The following UAP1 variants were observed in gnomAD, a reference collection of about 807,000 sequenced individuals.
UAP1 encodes the protein UDP-N-acetylglucosamine pyrophosphorylase 1.
UAP1 carries 25 observed loss-of-function variants against 58.5 expected under a neutral mutation model. The observed-to-expected ratio is 0.43, with a 90% confidence interval of 0.31 to 0.60. UAP1 has a LOEUF of 0.60. Ranked by LOEUF, UAP1 falls within the 20% of genes least tolerant of loss-of-function variation. UAP1 has a pLI of 0.11. For synonymous variants in UAP1, 208 were observed against 213.0 expected (o/e 0.98, Z 0.21); for missense variants, 575 against 630.0 (o/e 0.91, Z 0.93).
At chr1:162,588,065 A>G (rs80030295) in intron 6 of UAP1, 1,616 of 158,164 alleles carry the variant, frequency 0.01, 24 homozygotes, top group African/African-American at 0.037. Flanking sequence ...GGGCATCTAT[A>G]TTTTTAGAAA....
At chr1:162,566,214 T>C (rs1338769794) in exon 2 of UAP1, 13 of 1,614,004 alleles carry the variant, frequency 8.1e-6, no homozygotes, top group Non-Finnish European at 1.1e-5. Context: ...AACTTCTTTT[T>C]CCAAAAGGCC....
At position 162,590,365 on chromosome 1, in the gene UAP1, C is replaced by G. The variant is rs374908258; in HGVS notation, c.1212C>G (p.Ser404=). 8 of 1,612,080 alleles carry G rather than the reference C, an allele frequency of 5.0e-6. No homozygotes were observed. The African/African-American group carries it at 1.1e-4, about 22-fold the overall frequency. The change falls in exon 8 of 11, where the codon TCC becomes TCG. Residue 404 remains serine, a synonymous_variant. Transcript: ENST00000271469. ...AAGTATTGCGAGAAGATGAGTTTTC[C>G]CCACTAAAGAATGCTGATAGTCAGA...
chr1:162,576,974 A>G (rs1429407785), exon 3 of UAP1: 2 of 1,613,882 alleles, frequency 1.2e-6, no homozygotes, highest in African/African-American at 1.3e-5. Context: ...CAAATGCATT[A>G]TTCCATGGTA....
At chr1:162,580,808 T>A (rs926758595) in intron 4 of UAP1, among the ~76,000 whole-genome samples, 3 of 152,210 alleles carry the variant, frequency 2.0e-5, no homozygotes, top group Non-Finnish European at 4.4e-5. Context: ...CTCGTTTAAA[T>A]CACCTTAGGC....
intron 9 of UAP1, 44 bp downstream of exon 9, chr1:162,592,826 G>A (rs761357363): frequency 2.0e-6 from 3 of 1,493,892 alleles, no homozygotes; most frequent in African/African-American, 1.4e-5. Flanking sequence ...ATGGGGCTGT[G>A]CTTCCCTCCA....
intron 8 of UAP1, among the ~76,000 whole-genome samples, chr1:162,591,865 A>G (rs1655334315): frequency 6.6e-6 from 1 of 151,092 alleles, no homozygotes; most frequent in South Asian, 2.1e-4. Flanking sequence ...GCTCACTGCA[A>G]CCTTCACTTC....
At chr1:162,567,086 T>C (rs1653561363) in intron 2 of UAP1, among the ~76,000 whole-genome samples, 1 of 152,228 alleles carries the variant, frequency 6.6e-6, no homozygotes, top group South Asian at 2.1e-4. Context: ...CCCTTTGCCC[T>C]TTCTCTACCT....
chr1:162,592,369 A>G (rs947621883), intron 8 of UAP1, among the ~76,000 whole-genome samples: 16 of 152,194 alleles, frequency 1.1e-4, no homozygotes, highest in African/African-American at 3.9e-4. Context: ...GGCCTGGGTG[A>G]CAGAGTGAGA....
At chr1:162,598,874 G>A (rs914532016) in intron 10 of UAP1, among the ~76,000 whole-genome samples, 3 of 151,988 alleles carry the variant, frequency 2.0e-5, no homozygotes, top group African/African-American at 7.2e-5. Context: ...AACTTAGACG[G>A]GTGTGATGGC....
chr1:162,576,897 C>T (rs1159382610), exon 3 of UAP1: 1 of 1,614,112 alleles, frequency 6.2e-7, no homozygotes, highest in Admixed American at 1.7e-5. Flanking sequence ...TCCCGTAAGA[C>T]ACTTTTTCAG....
chr1:162,585,516 C>T (rs1370440330), intron 5 of UAP1, among the ~76,000 whole-genome samples: 1 of 152,128 alleles, frequency 6.6e-6, no homozygotes, highest in Non-Finnish European at 1.5e-5. Context: ...CCCACCTCAG[C>T]CTCCCAAAGT....
exon 4 of UAP1, chr1:162,579,554 T>C (rs1385870098): frequency 1.2e-6 from 2 of 1,606,986 alleles, no homozygotes; most frequent in African/African-American, 1.3e-5. Flanking sequence ...CCATGAGTTT[T>C]GATGGGAAAA....
chr1:162,598,580 A>G (rs1297160243), intron 10 of UAP1, among the ~76,000 whole-genome samples: 2 of 152,172 alleles, frequency 1.3e-5, no homozygotes, highest in East Asian at 3.9e-4. Flanking sequence ...CAAGGATTCT[A>G]GTTTGTTCAA....
intron 7 of UAP1, among the ~76,000 whole-genome samples, chr1:162,589,148 A>T (rs1262740374): frequency 2.0e-5 from 2 of 98,168 alleles, no homozygotes; most frequent in African/African-American, 8.4e-5. Flanking sequence ...ATATTTATAT[A>T]ATATATATTA....
intron 6 of UAP1, chr1:162,587,913 C>T (rs1571083195): frequency 2.6e-6 from 1 of 382,252 alleles, no homozygotes; most frequent in Non-Finnish European, 4.7e-6. Context: ...TCCCTTCTCA[C>T]CCTCCCACCC....
intron 2 of UAP1, among the ~76,000 whole-genome samples, chr1:162,570,573 A>G (rs1375076690): frequency 5.3e-5 from 8 of 152,070 alleles, no homozygotes; most frequent in Admixed American, 5.2e-4. Flanking sequence ...GTGTTTTCTT[A>G]CTAATCACAT....
At chr1:162,565,520 A>G (rs1024942275) in intron 1 of UAP1, among the ~76,000 whole-genome samples, 9 of 152,170 alleles carry the variant, frequency 5.9e-5, no homozygotes, top group African/African-American at 2.2e-4. Context: ...TGAATATTTC[A>G]TTATACTGAC....
Position 162,590,458 on chromosome 1 carries a change from T to A in UAP1, c.1305T>A (p.Asn435Lys). 1.2e-6 allele frequency: 2 copies of A among 1,610,780 alleles called. No individual in the cohort carries two copies. The highest frequency in any genetic ancestry group is 1.7e-5 in the Admixed American group (1 of 59,584). ...CCCTTCATCATTGCTGGGTCCTCAA[T>A]GCAGGGGGCCATTTCATAGATGAAA... Residue 435 changes from asparagine (N) to lysine (K), a missense_variant, in exon 8 of 11, where the codon AAT (asparagine) becomes AAA (lysine). Physicochemically the swap from Asn to Lys is moderately conservative, Grantham distance 94. Transcript: ENST00000271469.
intron 2 of UAP1, among the ~76,000 whole-genome samples, chr1:162,573,963 CA>C (rs1269276563): frequency 2.9e-4 from 38 of 131,686 alleles, no homozygotes; most frequent in Non-Finnish European, 2.6e-4. Context: ...GACTCTGTCT[CA>C]AAAAAAAAAA....
Sources: gnomAD v4.1 joint callset for allele counts (sites outside exome capture counted in the v4.1 genomes callset) on GRCh38, gnomAD v4.1.1 for gene constraint, MANE v1.5 for transcripts, NCBI Gene and HGNC (gene_info 2026-07-23, HGNC 2026-07-21) for gene names.